PCM1: variants seen among roughly 807,000 people sequenced by gnomAD.
The protein encoded by PCM1 is pericentriolar material 1.
PCM1 carries 157 observed loss-of-function variants against 241.9 expected under a neutral mutation model. That is an observed-to-expected ratio of 0.65 (90% CI 0.57 to 0.74). The LOEUF (loss-of-function observed/expected upper bound fraction) is 0.74, where lower values mean the gene tolerates loss of function less well. Ranked by LOEUF, PCM1 falls within the 30% of genes least tolerant of loss-of-function variation. PCM1 has a pLI of 0.00. For missense variants in PCM1, 3,478 were observed against 2,360.1 expected (o/e 1.47, Z -9.81); for synonymous variants, 1,085 against 784.9 (o/e 1.38, Z -6.39).
chr8:18,010,302 A>T (rs189633972), intron 31 of PCM1, among the ~76,000 whole-genome samples: 1 of 152,218 alleles, frequency 6.6e-6, no homozygotes, highest in Non-Finnish European at 1.5e-5. Context: ...ACCCTCTTTT[A>T]TGAGAAGGAA....
chr8:17,946,805 C>T (rs547664170), intron 6 of PCM1, among the ~76,000 whole-genome samples: 6 of 150,504 alleles, frequency 4.0e-5, no homozygotes, highest in Admixed American at 6.6e-5. Flanking sequence ...ATAATGTGCT[C>T]CTTTTCTGTA....
rs117964016 is a variant in PCM1, at chr8:18,009,702, G to T, written c.5118G>T (p.Arg1706Ser). The change falls in exon 31 of 39, where the codon AGG becomes AGT. Residue 1706 changes from arginine to serine, a missense_variant. Transcript: ENST00000325083. Reference protein sequence around the residue: ...NSITVKQRCKRKIEATGVIQS... With the variant: ...NSITVKQRCKSKIEATGVIQS... ...TAACTGTTAAACAGAGATGCAAAAG[G>T]AAAATAGAAGCAACTGGAGTGATAC... is the stretch of plus-strand genomic sequence containing the variant. The T allele has an allele frequency of 6.0e-5, 90 of 1,511,658 alleles. No homozygotes were observed. The highest frequency in any genetic ancestry group is 5.3e-4 in the Middle Eastern group (3 of 5,704). 93.6% of individuals were successfully genotyped at this position (1,511,658 alleles called of 1,614,324 possible).
intron 33 of PCM1, 43 bp downstream of exon 33, chr8:18,011,409 T>G: frequency 6.9e-7 from 1 of 1,450,058 alleles, no homozygotes; most frequent in African/African-American, 1.4e-5. Context: ...TTTAGTTTTT[T>G]GTAGGTCATT....
intron 26 of PCM1, among the ~76,000 whole-genome samples, chr8:17,987,649 A>G (rs112168592): frequency 9.2e-5 from 14 of 151,864 alleles, no homozygotes; most frequent in African/African-American, 2.9e-4. Context: ...TCCAAAACTT[A>G]AATTCAGCAT....
rs2094122611 is a variant in PCM1 at position 18,025,441 on chromosome 8, A to C, written c.5922A>C (p.Thr1974=). 6.3e-7 allele frequency: 1 copy of C among 1,588,156 alleles called. No individual in the cohort carries two copies. The highest frequency in any genetic ancestry group is 1.3e-5 in the African/African-American group (1 of 74,382). The change falls in exon 37 of 39, where the codon ACA becomes ACC. Residue 1974 remains threonine, a synonymous_variant. Transcript: ENST00000325083. ...VKVEDLPLKL[T]IYSEADLRKK... is the part of the protein sequence containing the mutation. Reference sequence around the variant, plus strand: ...TTGAAGATTTACCACTGAAACTGACAATATATTCAGAGGTATTTAGCTGTC... The same window carrying C: ...TTGAAGATTTACCACTGAAACTGACCATATATTCAGAGGTATTTAGCTGTC...
rs573823838 is a variant in PCM1 at position 17,950,393 on chromosome 8, A to G, written c.962-222A>G. On this transcript the variant is annotated intron_variant, in intron 7 of 38. Transcript: ENST00000325083. Reference sequence around the variant, plus strand: ...TCCTTGTATGTTGGGACAGGAAAAGATGAACCACTTTACCAGAGTTTTGTG... The same window carrying G: ...TCCTTGTATGTTGGGACAGGAAAAGGTGAACCACTTTACCAGAGTTTTGTG... 7.9e-5 allele frequency among the ~76,000 whole-genome samples: 12 copies of G among 152,338 alleles called. No individual in the cohort carries two copies. In the South Asian group the frequency reaches 2.5e-3, roughly 32 times the overall value.
intron 38 of PCM1, 116 bp downstream of exon 38, chr8:18,025,774 C>G (rs1435191147): frequency 3.2e-6 from 2 of 617,188 alleles, no homozygotes; most frequent in South Asian, 4.3e-5. Flanking sequence ...AAGCCAAATA[C>G]TAGAAAGAAA....
chr8:18,025,593 CTGG>C lies in PCM1; in HGVS notation c.5987_5989del (p.Gly1996del). ...GAAGAAGAACAGAAAAACCATTTAT[CTGG>C]TGAAATATGTGAAATGCAGACCGAA... On this transcript the variant is annotated inframe_deletion, in exon 38 of 39. Coordinates refer to ENST00000325083, the MANE Select transcript of PCM1 (RefSeq NM_006197.4). The C allele has an allele frequency of 6.3e-7, 1 of 1,586,526 alleles. No homozygotes were observed. The highest frequency in any genetic ancestry group is 8.6e-7 in the Non-Finnish European group (1 of 1,165,764).
rs577306340 is a variant in PCM1, at chr8:17,957,785, G to A, written c.2040+10G>A. ...TGTTGCTATGGTACAGGTAAATATT[G>A]CTTGGTCTTTTAAAAACCTATTTGT... On this transcript the variant is annotated intron_variant, in intron 13 of 38. Coordinates refer to ENST00000325083, the MANE Select transcript of PCM1 (RefSeq NM_006197.4). 6.4e-7 allele frequency: 1 copy of A among 1,569,512 alleles called. No individual in the cohort carries two copies. Among genetic ancestry groups the A allele is most frequent in the Non-Finnish European group, 8.7e-7 (1 of 1,143,070 alleles).
intron 31 of PCM1, 74 bp from the exon 32 acceptor site, chr8:18,010,535 G>A: frequency 1.8e-6 from 2 of 1,092,224 alleles, no homozygotes; most frequent in South Asian, 1.4e-5. Flanking sequence ...ACTTTGGGAG[G>A]CTGAGACATG....
chr8:18,027,364 G>A (rs943760724), intron 38 of PCM1, among the ~76,000 whole-genome samples: 4 of 152,190 alleles, frequency 2.6e-5, no homozygotes, highest in Non-Finnish European at 5.9e-5. Flanking sequence ...TTTTGTTGGT[G>A]TAGATTTATT....
chr8:17,932,793 C>T (rs977685814), intron 2 of PCM1, among the ~76,000 whole-genome samples: 5 of 152,090 alleles, frequency 3.3e-5, no homozygotes, highest in South Asian at 4.2e-4. Flanking sequence ...TTTTTAAAAT[C>T]TTAATTGATG....
intron 6 of PCM1, among the ~76,000 whole-genome samples, chr8:17,942,668 A>C (rs1023331317): frequency 6.6e-6 from 1 of 151,766 alleles, no homozygotes; most frequent in Non-Finnish European, 1.5e-5. Flanking sequence ...TTCCAGATAG[A>C]GTTAAAGACA....
In PCM1 at chr8:17,985,460, T is replaced by C; in HGVS notation, c.4122T>C (p.Asp1374=). The change falls in exon 25 of 39, where the codon GAT becomes GAC. Residue 1374 remains aspartate, a synonymous_variant. Transcript: ENST00000325083. ...TATGTATTCCAGAAACTGGGAGTGATTTTTCCATGTTTGAAGCTTTGCGAG... is the reference window on the plus strand; with the variant it reads ...TATGTATTCCAGAAACTGGGAGTGACTTTTCCATGTTTGAAGCTTTGCGAG... ...STEISSETGS[D]FSMFEALRDT... is the part of the protein sequence containing the mutation. 6.4e-7 allele frequency: 1 copy of C among 1,553,906 alleles called. No homozygotes were observed. Among genetic ancestry groups the C allele is most frequent in the Non-Finnish European group, 8.7e-7 (1 of 1,147,228 alleles).
intron 23 of PCM1, among the ~76,000 whole-genome samples, chr8:17,974,244 A>T (rs6984498): frequency 0.44 from 66,180 of 152,092 alleles, 16,693 homozygotes; most frequent in Non-Finnish European, 0.59. Flanking sequence ...GTGCTACCAG[A>T]GAAGATTTAA....
intron 28 of PCM1, among the ~76,000 whole-genome samples, chr8:17,992,979 A>T (rs113390398): frequency 0.021 from 2,817 of 134,402 alleles, 99 homozygotes; most frequent in African/African-American, 0.074. Flanking sequence ...TTCTTTGTAG[A>T]TTCTGGGTAT....
At chr8:17,952,178 A>C (rs2129458872) in intron 8 of PCM1, among the ~76,000 whole-genome samples, 1 of 152,074 alleles carries the variant, frequency 6.6e-6, no homozygotes, top group Non-Finnish European at 1.5e-5. Context: ...AGTTGAGATC[A>C]CGCCACTGCA....
At chr8:17,958,221 T>C (rs192355732) in intron 13 of PCM1, among the ~76,000 whole-genome samples, 2 of 152,174 alleles carry the variant, frequency 1.3e-5, no homozygotes, top group Non-Finnish European at 2.9e-5. Flanking sequence ...GTTAAAGAGA[T>C]CTTAATTGCC....
Position 18,014,728 on chromosome 8 carries a change from A to G in PCM1, c.5729A>G (p.Glu1910Gly), listed in dbSNP as rs199505324. Residue 1910 changes from glutamate (E) to glycine (G), a missense_variant, in exon 36 of 39, where the codon GAA (glutamate) becomes GGA (glycine). Physicochemically the swap from Glu to Gly is moderately conservative, Grantham distance 98. Transcript: ENST00000325083. The part of the protein sequence containing the change: ...QPNPLPLRLP[E>G]MEPLVPRVKE... ...AACCCTTTGCCGTTACGTTTACCTG[A>G]AATGGAACCCTTAGTGCCTAGAGTC... The G allele has an allele frequency of 4.3e-5, 70 of 1,613,110 alleles. No homozygotes were observed. In the African/African-American group the frequency reaches 6.5e-4, roughly 15 times the overall value.
Sources: gnomAD v4.1 joint callset for allele counts (sites outside exome capture counted in the v4.1 genomes callset) on GRCh38, gnomAD v4.1.1 for gene constraint, MANE v1.5 for transcripts, NCBI Gene and HGNC (gene_info 2026-07-23, HGNC 2026-07-21) for gene names.